The following TNNI3K variants were observed in gnomAD, a reference collection of about 807,000 sequenced individuals.
TNNI3K encodes serine/threonine-protein kinase TNNI3K.
TNNI3K carries 140 observed loss-of-function variants against 114.5 expected under a neutral mutation model. That is an observed-to-expected ratio of 1.22 (90% CI 1.07 to 1.41). The LOEUF is 1.41. TNNI3K is among the 40% of genes most tolerant of loss of function. TNNI3K has a pLI of 0.00. For synonymous variants in TNNI3K, 347 were observed against 347.5 expected, an observed-to-expected ratio of 1.00 and a Z score of 0.02; for missense variants, 1,125 against 1,007.6, an observed-to-expected ratio of 1.12 and a Z score of -1.58.
At chr1:74,240,671 TATG>T (rs1654135445) in intron 2 of TNNI3K, 1 of 152,200 alleles carries the variant, frequency 6.6e-6, no homozygotes, top group East Asian at 1.9e-4. Context: ...ATTTTAAGAC[TATG>T]TTTTGCTAAT....
intron 20 of TNNI3K, among the ~76,000 whole-genome samples, chr1:74,462,805 G>A (rs1006379329): frequency 6.6e-6 from 1 of 152,134 alleles, no homozygotes; most frequent in African/African-American, 2.4e-5. Flanking sequence ...TGAGATGAGC[G>A]ATATTCAGAA....
intron 5 of TNNI3K, among the ~76,000 whole-genome samples, chr1:74,280,737 T>A (rs1448392772): frequency 6.6e-6 from 1 of 152,090 alleles, no homozygotes; most frequent in Non-Finnish European, 1.5e-5. Flanking sequence ...CTGAAAAAAT[T>A]TGAAAGACAG....
intron 9 of TNNI3K, among the ~76,000 whole-genome samples, chr1:74,347,972 CT>C (rs1357486295): frequency 6.6e-6 from 1 of 152,136 alleles, no homozygotes; most frequent in Non-Finnish European, 1.5e-5. Flanking sequence ...ATGGTGGTTT[CT>C]TTTGCTGTGC....
chr1:74,429,066 G>A (rs998655433), intron 17 of TNNI3K, among the ~76,000 whole-genome samples: 1 of 152,084 alleles, frequency 6.6e-6, no homozygotes, highest in African/African-American at 2.4e-5. Flanking sequence ...ACAGCCTCAG[G>A]TAGTTCCTGA....
At chr1:74,347,087 T>G (rs2100455911) in intron 9 of TNNI3K, among the ~76,000 whole-genome samples, 1 of 152,064 alleles carries the variant, frequency 6.6e-6, no homozygotes, top group East Asian at 1.9e-4. Flanking sequence ...GCCATGTTGC[T>G]GAGCTGCACC....
In TNNI3K at chr1:74,369,389, A is replaced by T; in HGVS notation, c.1473-2A>T. The stretch of plus-strand genomic sequence containing the variant: ...AAGATTTTCTGTTGCTGCCATTTCC[A>T]GTTATCGAGCCAATACCTACTGCTC... On this transcript the variant is annotated splice_acceptor_variant, in intron 15 of 24. Transcript: ENST00000326637. LOFTEE classifies it high-confidence loss of function. 6.2e-7 allele frequency: 1 copy of T among 1,607,478 alleles called. No individual in the cohort carries two copies. The highest frequency in any genetic ancestry group is 1.7e-5 in the Admixed American group (1 of 59,212).
intron 5 of TNNI3K, among the ~76,000 whole-genome samples, chr1:74,320,071 G>T (rs1659524136): frequency 6.6e-6 from 1 of 152,136 alleles, no homozygotes; most frequent in South Asian, 2.1e-4. Context: ...TGTTTCTGAA[G>T]CCAAAACTAC....
intron 23 of TNNI3K, among the ~76,000 whole-genome samples, chr1:74,531,831 G>A (rs1436527908): frequency 6.6e-6 from 1 of 152,182 alleles, no homozygotes; most frequent in Non-Finnish European, 1.5e-5. Flanking sequence ...ATTGATCCTT[G>A]TGCTAATATT....
chr1:74,391,960 T>TA (rs1401680347), intron 17 of TNNI3K, among the ~76,000 whole-genome samples: 1 of 102,296 alleles, frequency 9.8e-6, no homozygotes, highest in Non-Finnish European at 1.9e-5. Context: ...GCTTATTATT[T>TA]TTTTTTTTTT....
At chr1:74,503,555 T>C (rs1317386537) in intron 23 of TNNI3K, among the ~76,000 whole-genome samples, 1 of 152,198 alleles carries the variant, frequency 6.6e-6, no homozygotes, top group African/African-American at 2.4e-5. Flanking sequence ...GAACAAGATG[T>C]TGCTTGCCTA....
intron 4 of TNNI3K, among the ~76,000 whole-genome samples, chr1:74,261,216 T>C (rs1655651931): frequency 6.6e-6 from 1 of 151,942 alleles, no homozygotes; most frequent in Non-Finnish European, 1.5e-5. Flanking sequence ...TTAAAATTTA[T>C]AATCCCACTT....
chr1:74,467,968 T>G (rs185535132), intron 21 of TNNI3K, among the ~76,000 whole-genome samples: 144 of 152,254 alleles, frequency 9.5e-4, no homozygotes, highest in African/African-American at 3.3e-3. Flanking sequence ...TGGACTGCTG[T>G]TTGAGTAATC....
At chr1:74,336,795 A>G (rs941251062) in intron 7 of TNNI3K, among the ~76,000 whole-genome samples, 19 of 151,578 alleles carry the variant, frequency 1.3e-4, no homozygotes, top group African/African-American at 3.9e-4. Flanking sequence ...ATTGTGAATA[A>G]TGCCGCAATA....
At chr1:74,511,885 A>G (rs1012382049) in intron 23 of TNNI3K, among the ~76,000 whole-genome samples, 38 of 152,194 alleles carry the variant, frequency 2.5e-4, no homozygotes, top group African/African-American at 8.7e-4. Context: ...TGCACAGTAC[A>G]TTTGGGAACA....
At chr1:74,287,144 A>G (rs376066515) in intron 5 of TNNI3K, among the ~76,000 whole-genome samples, 66 of 152,246 alleles carry the variant, frequency 4.3e-4, no homozygotes, top group African/African-American at 1.5e-3. Context: ...GGAAAAAAAC[A>G]GGTCATTTGA....
At chr1:74,493,831 G>A (rs1466106845) in intron 23 of TNNI3K, among the ~76,000 whole-genome samples, 2 of 152,174 alleles carry the variant, frequency 1.3e-5, no homozygotes, top group Non-Finnish European at 2.9e-5. Context: ...TGCTCAAGTT[G>A]TATCCTCTGA....
chr1:74,300,169 G>T (rs1468059707), intron 5 of TNNI3K, among the ~76,000 whole-genome samples: 3 of 152,108 alleles, frequency 2.0e-5, no homozygotes, highest in African/African-American at 7.2e-5. Flanking sequence ...TGGACATTTA[G>T]GGACATAGTA....
At chr1:74,272,372 A>G (rs1051607649) in intron 5 of TNNI3K, among the ~76,000 whole-genome samples, 2 of 151,954 alleles carry the variant, frequency 1.3e-5, no homozygotes, top group Admixed American at 1.3e-4. Context: ...GAAAACAACG[A>G]GAGAGAAGGG....
chr1:74,491,277 T>C (rs1669059947), intron 22 of TNNI3K, among the ~76,000 whole-genome samples: 2 of 152,236 alleles, frequency 1.3e-5, no homozygotes, highest in Non-Finnish European at 2.9e-5. Flanking sequence ...TGGAGTGCAG[T>C]GGCGCAATCT....
Sources: allele counts gnomAD v4.1 joint callset (sites outside exome capture counted in the v4.1 genomes callset), GRCh38; gene constraint gnomAD v4.1.1; transcripts MANE v1.5; gene names NCBI Gene and HGNC (gene_info 2026-07-23, HGNC 2026-07-21).